Variants in PARP1 observed in about 807,000 individuals in gnomAD.
PARP1 encodes the protein poly(ADP-ribose) polymerase 1, also known as poly [ADP-ribose] polymerase 1.
PARP1 carries 44 observed loss-of-function variants against 118.7 expected under a neutral mutation model. That is an observed-to-expected ratio of 0.37 (90% confidence interval 0.29 to 0.48). PARP1 has a LOEUF of 0.48. Among genes scored for constraint, PARP1 ranks in the 20% least tolerant of loss-of-function variants. The pLI is 0.99. For synonymous variants in PARP1, 492 were observed against 483.2 expected, an observed-to-expected ratio of 1.02 and a Z score of -0.24; for missense variants, 1,100 against 1,272.4, an observed-to-expected ratio of 0.86 and a Z score of 2.06.
chr1:226,371,551 T>A (rs1558235036), intron 14 of PARP1, among the ~76,000 whole-genome samples: 1 of 152,094 alleles, frequency 6.6e-6, no homozygotes, highest in Non-Finnish European at 1.5e-5. Flanking sequence ...GCAAACTCCA[T>A]CCTAAGGGAA....
intron 12 of PARP1, among the ~76,000 whole-genome samples, chr1:226,378,853 G>A (rs891381671): frequency 6.6e-6 from 1 of 152,046 alleles, no homozygotes; most frequent in African/African-American, 2.4e-5. Context: ...ACAAATAGTT[G>A]CAAAACAACA....
intron 9 of PARP1, 26 bp downstream of exon 9, chr1:226,381,042 G>A (rs1169789218): frequency 3.1e-6 from 5 of 1,613,466 alleles, no homozygotes; most frequent in Admixed American, 1.7e-5. Flanking sequence ...CATTGTCCCT[G>A]TTGCACAAAT....
intron 21 of PARP1, chr1:226,362,344 C>G (rs1576389187): frequency 6.9e-6 from 3 of 437,624 alleles, no homozygotes; most frequent in South Asian, 4.3e-5. Context: ...CGCCACCACA[C>G]CCAGCTAATT....
intron 4 of PARP1, among the ~76,000 whole-genome samples, chr1:226,389,205 T>C (rs4653445): frequency 0.23 from 35,254 of 152,062 alleles, 4,967 homozygotes; most frequent in African/African-American, 0.39. Flanking sequence ...CTAGGCCTTT[T>C]GAGCTAAAAC....
At chr1:226,403,762 T>C (rs1665084349) in intron 1 of PARP1, among the ~76,000 whole-genome samples, 1 of 152,222 alleles carries the variant, frequency 6.6e-6, no homozygotes, top group Non-Finnish European at 1.5e-5. Flanking sequence ...CCAACTGTGA[T>C]CTGACTAAAG....
At chr1:226,392,841 C>T (rs746220633) in intron 2 of PARP1, 19 of 1,261,070 alleles carry the variant, frequency 1.5e-5, no homozygotes, top group Non-Finnish European at 2.0e-5. Flanking sequence ...CTGGGGATCA[C>T]TGGCTAGCCA....
chr1:226,401,445 T>G (rs1042288337), intron 2 of PARP1, among the ~76,000 whole-genome samples: 1 of 152,246 alleles, frequency 6.6e-6, no homozygotes, highest in Non-Finnish European at 1.5e-5. Context: ...GGGCAGACTA[T>G]GCAGACATGT....
intron 9 of PARP1, among the ~76,000 whole-genome samples, chr1:226,380,579 G>T (rs1031700510): frequency 6.6e-6 from 1 of 152,176 alleles, no homozygotes; most frequent in Non-Finnish European, 1.5e-5. Context: ...TGTTTTGGCA[G>T]ATATCTATGC....
Position 226,361,411 on chromosome 1 carries a change from G to C in PARP1, c.*49C>G. On this transcript the variant is annotated 3_prime_UTR_variant, in exon 23 of 23. Coordinates refer to ENST00000366794, the MANE Select transcript of PARP1 (RefSeq NM_001618.4). ...GGTGAGTTGGTGCAGAAGCGCTTCG[G>C]GTGAATTCATACCAGAGCCACCGGG... is the stretch of plus-strand genomic sequence containing the variant. 1 of 1,283,972 alleles carries C rather than the reference G, an allele frequency of 7.8e-7. No individual in the cohort carries two copies. The highest frequency in any genetic ancestry group is 1.1e-6 in the Non-Finnish European group (1 of 881,946). The allele number at this position is 1,283,972 out of a possible 1,614,324, so 79.5% of individuals were successfully genotyped here. A position where few individuals can be genotyped will look rare whatever the true frequency, so the allele number is the denominator to read the frequency against.
At position 226,388,767 on chromosome 1, in the gene PARP1, A is replaced by G. The variant is rs933683551; in HGVS notation, c.618-12T>C. The G allele has an allele frequency of 6.2e-7, 1 of 1,600,998 alleles. No individual in the cohort carries two copies. Among genetic ancestry groups the G allele is most frequent in the African/African-American group, 1.3e-5 (1 of 74,782 alleles). ...CGCCTTTTCTCTTTCTGAAGGAGAC[A>G]CAGGATATGAGAGACAGCCAGAGCC... On this transcript the variant is annotated splice_polypyrimidine_tract_variant and intron_variant, in intron 4 of 22. Transcript: ENST00000366794.
At chr1:226,363,728 C>T (rs545487291) in intron 20 of PARP1, among the ~76,000 whole-genome samples, 40 of 152,328 alleles carry the variant, frequency 2.6e-4, no homozygotes, top group Non-Finnish European at 5.1e-4. Flanking sequence ...GGCCTGGCTG[C>T]GTTCCTGCCC....
chr1:226,385,684 CAGCCAGTGG>C lies in PARP1; in HGVS notation c.835-13_835-5del. On this transcript the variant is annotated splice_region_variant and splice_polypyrimidine_tract_variant and intron_variant, in intron 6 of 22. Transcript: ENST00000366794. ...CATCAGCTACTCGGTCCAAGATCTG[CAGCCAGTGG>C]AGAAACATGTCAGAGGGCAAATGCG... The C allele has an allele frequency of 1.2e-6, 2 of 1,613,992 alleles. No individual in the cohort carries two copies. Among genetic ancestry groups the C allele is most frequent in the Non-Finnish European group, 1.7e-6 (2 of 1,179,864 alleles).
rs767503243 is a variant in PARP1 at position 226,379,136 on chromosome 1, A to G, written c.1745+6T>C. The G allele has an allele frequency of 6.2e-7, 1 of 1,614,208 alleles. No homozygotes were observed. The highest frequency in any genetic ancestry group is 8.5e-7 in the Non-Finnish European group (1 of 1,180,024). ...TGCACAACCAGGCTACACCTGCAGA[A>G]CTCACCTGTTTTCCTTGTCGTCCTC... On this transcript the variant is annotated splice_donor_region_variant and intron_variant, in intron 12 of 22. Transcript: ENST00000366794.
In PARP1 at chr1:226,384,417, C is replaced by G. The variant is rs1664679304; in HGVS notation, c.1011+1087G>C. Among the ~76,000 whole-genome samples the G allele has an allele frequency of 3.3e-5, 5 of 152,372 alleles. 1 individual carries two copies. The South Asian group carries it at 1.0e-3, about 32-fold the overall frequency. On this transcript the variant is annotated intron_variant, in intron 7 of 22. Coordinates refer to ENST00000366794, the MANE Select transcript of PARP1 (RefSeq NM_001618.4). ...GGGGGCAACAGTGTCACTGCCTGGG[C>G]AGCAAGCACTGCCAGACCAAAAACT...
At chr1:226,365,789 C>CAA (rs1338295460) in intron 18 of PARP1, among the ~76,000 whole-genome samples, 165 bp downstream of exon 18, 1 of 147,290 alleles carries the variant, frequency 6.8e-6, no homozygotes, top group Non-Finnish European at 1.5e-5. Context: ...AAAAAACAAA[C>CAA]AAACAAAAAA....
In PARP1 at chr1:226,386,425, G is replaced by C. The variant is rs1220306586; in HGVS notation, c.735C>G (p.Ile245Met). ...TCTTTAGCTCGTCCTTGATGTTCCA[G>C]ATCAGGTCGTTCTGAGCCTATGGAC... is the stretch of plus-strand genomic sequence containing the variant. ...EKALKAQNDL[I>M]WNIKDELKKV... Residue 245 changes from isoleucine (I) to methionine (M), a missense_variant, in exon 6 of 23, where the codon ATC (isoleucine) becomes ATG (methionine). Coordinates refer to ENST00000366794, the MANE Select transcript of PARP1 (RefSeq NM_001618.4). 2 of 1,612,832 alleles carry C rather than the reference G, an allele frequency of 1.2e-6. No homozygotes were observed. The highest frequency in any genetic ancestry group is 1.1e-5 in the South Asian group (1 of 91,064).
intron 3 of PARP1, 149 bp downstream of exon 3, chr1:226,392,050 G>C: frequency 1.4e-6 from 1 of 707,786 alleles, no homozygotes. Flanking sequence ...TGACGTATCT[G>C]GTCAATACTA....
At position 226,361,345 on chromosome 1, in the gene PARP1, T is replaced by C. The variant is rs1024385813; in HGVS notation, c.*115A>G. 8 of 725,440 alleles carry C rather than the reference T, an allele frequency of 1.1e-5. No homozygotes were observed. The highest frequency in any genetic ancestry group is 1.7e-5 in the African/African-American group (1 of 57,256). 44.9% of individuals were successfully genotyped at this position (725,440 alleles called of 1,614,324 possible). ...CGTTTCTGTAAAATCCTTTCTGAGG[T>C]GGTTTAGTACAGGTACTACCCATCA... On this transcript the variant is annotated 3_prime_UTR_variant, in exon 23 of 23. Transcript: ENST00000366794.
chr1:226,405,565 C>T (rs1665130894), intron 1 of PARP1, among the ~76,000 whole-genome samples: 2 of 152,164 alleles, frequency 1.3e-5, no homozygotes, highest in African/African-American at 4.8e-5. Context: ...CCCAGCCTCC[C>T]AAAGTGCTGA....
Sources: allele counts gnomAD v4.1 joint callset (sites outside exome capture counted in the v4.1 genomes callset), GRCh38; gene constraint gnomAD v4.1.1; transcripts MANE v1.5; gene names NCBI Gene and HGNC (gene_info 2026-07-23, HGNC 2026-07-21).